The following PPAT variants were observed in gnomAD, a reference collection of about 807,000 sequenced individuals.
PPAT encodes phosphoribosyl pyrophosphate amidotransferase, also known as amidophosphoribosyltransferase.
PPAT carries 20 observed loss-of-function variants against 60.2 expected under a neutral mutation model. The ratio of observed to expected loss-of-function variants is 0.33; its 90% confidence interval spans 0.23 to 0.48. The LOEUF is 0.48. Among genes scored for constraint, PPAT ranks in the 20% least tolerant of loss-of-function variants. The probability of loss-of-function intolerance (pLI) is 0.99; values close to 1 mark genes in which losing one functional copy is unlikely to be tolerated. For synonymous variants in PPAT, 194 were observed against 215.1 expected, an observed-to-expected ratio of 0.90 and a Z score of 0.86; for missense variants, 349 against 629.6, an observed-to-expected ratio of 0.55 and a Z score of 4.77.
chr4:56,406,975 A>G (rs1343859533), intron 2 of PPAT, among the ~76,000 whole-genome samples: 1 of 152,248 alleles, frequency 6.6e-6, no homozygotes, highest in Non-Finnish European at 1.5e-5. Context: ...TAATACCTTC[A>G]CAATGTTGAA....
chr4:56,416,973 C>G (rs1210949645), intron 1 of PPAT, among the ~76,000 whole-genome samples: 2 of 152,182 alleles, frequency 1.3e-5, no homozygotes, highest in Non-Finnish European at 2.9e-5. Context: ...CCTCAGCCTC[C>G]TGACTAGCTG....
intron 3 of PPAT, among the ~76,000 whole-genome samples, chr4:56,404,809 G>T (rs1716203794): frequency 6.6e-6 from 1 of 152,160 alleles, no homozygotes. Context: ...ACTAAAAAAT[G>T]GAATGACAGT....
chr4:56,404,785 T>C (rs1244981377), intron 3 of PPAT, among the ~76,000 whole-genome samples: 2 of 152,158 alleles, frequency 1.3e-5, no homozygotes, highest in Non-Finnish European at 2.9e-5. Flanking sequence ...CTCTAGGAAA[T>C]GTCTAAAGAC....
intron 5 of PPAT, among the ~76,000 whole-genome samples, chr4:56,402,419 A>G (rs1450870130): frequency 6.6e-6 from 1 of 152,214 alleles, no homozygotes; most frequent in African/African-American, 2.4e-5. Context: ...TAAAAGTGAA[A>G]AGAAACCACT....
At chr4:56,410,358 C>G (rs905041018) in intron 1 of PPAT, among the ~76,000 whole-genome samples, 2 of 152,234 alleles carry the variant, frequency 1.3e-5, no homozygotes, top group Admixed American at 1.3e-4. Context: ...ACAAAGCCTG[C>G]TTATTTGGCA....
At chr4:56,430,602 C>G (rs900812453) in intron 1 of PPAT, among the ~76,000 whole-genome samples, 1 of 151,944 alleles carries the variant, frequency 6.6e-6, no homozygotes, top group African/African-American at 2.4e-5. Context: ...CCCCTTATAA[C>G]CTTTTATCTC....
At chr4:56,417,584 T>C (rs1196450939) in intron 1 of PPAT, among the ~76,000 whole-genome samples, 1 of 152,142 alleles carries the variant, frequency 6.6e-6, no homozygotes, top group African/African-American at 2.4e-5. Context: ...AGTTCGAGAC[T>C]AGCCTGGGCA....
At chr4:56,401,970 A>G in intron 6 of PPAT, 139 bp downstream of exon 6, 7 of 622,388 alleles carry the variant, frequency 1.1e-5, no homozygotes, top group Middle Eastern at 3.6e-4. Context: ...CATAACATGC[A>G]TAAGAAAAAC....
chr4:56,427,937 G>A (rs1369959227), intron 1 of PPAT, among the ~76,000 whole-genome samples: 2 of 152,150 alleles, frequency 1.3e-5, no homozygotes, highest in East Asian at 3.8e-4. Context: ...GAGAAAGAAG[G>A]AAAATGTCTA....
Position 56,435,592 on chromosome 4 carries a change from T to G in PPAT, c.-115A>C. On this transcript the variant is annotated 5_prime_UTR_variant, in exon 1 of 11. Transcript: ENST00000264220. Reference sequence around the variant, plus strand: ...GCTCGCGCTCGCGACAGGCTCTTCCTTCCCGAGGGTGGCCCCAGCTACTGC... The same window carrying G: ...GCTCGCGCTCGCGACAGGCTCTTCCGTCCCGAGGGTGGCCCCAGCTACTGC... 6.4e-7 allele frequency: 1 copy of G among 1,553,662 alleles called. No individual in the cohort carries two copies. The highest frequency in any genetic ancestry group is 8.7e-7 in the Non-Finnish European group (1 of 1,144,360).
intron 1 of PPAT, chr4:56,410,693 T>C (rs2110043957): frequency 1.0e-6 from 1 of 986,606 alleles, no homozygotes; most frequent in Non-Finnish European, 1.2e-6. Flanking sequence ...GAAACAGTGC[T>C]GGGCTAAGTA....
intron 2 of PPAT, 102 bp downstream of exon 2, chr4:56,407,548 C>T: frequency 2.2e-6 from 2 of 891,432 alleles, no homozygotes; most frequent in Non-Finnish European, 3.7e-6. Flanking sequence ...GAACTCCCGA[C>T]CTCAGGTGAT....
intron 1 of PPAT, chr4:56,410,923 A>T: frequency 1.1e-6 from 1 of 902,750 alleles, no homozygotes; most frequent in Non-Finnish European, 1.3e-6. Context: ...AAAAAAAAAA[A>T]AAAAAGAAAA....
chr4:56,408,921 G>A lies in PPAT; in HGVS notation c.129-1205C>T, dbSNP rs547720607. 1.6e-4 allele frequency among the ~76,000 whole-genome samples: 25 copies of A among 152,124 alleles called. 1 individual carries two copies. The highest frequency in any genetic ancestry group is 3.1e-4 in the Non-Finnish European group (21 of 68,018). The stretch of plus-strand genomic sequence containing the variant: ...TGCTGTAACTGGGCGCGCTAACCTT[G>A]TATAAAAAATGTTGTGATTCTGCTA... On this transcript the variant is annotated intron_variant, in intron 1 of 10. Transcript: ENST00000264220.
intron 1 of PPAT, among the ~76,000 whole-genome samples, chr4:56,417,195 C>T (rs1314216221): frequency 1.3e-5 from 2 of 151,694 alleles, no homozygotes; most frequent in African/African-American, 4.8e-5. Context: ...TTACTTCTAA[C>T]TTACATAATA....
rs542379951 is a variant in PPAT at position 56,433,495 on chromosome 4, T to TA, written c.128+1854dup. On this transcript the variant is annotated intron_variant, in intron 1 of 10. Transcript: ENST00000264220. ...CTCCAACCAGTGCTAACATGTAAGT[T>TA]AAAAAAAAAAAAAAGCCTCTTTTTC... Among the ~76,000 whole-genome samples the TA allele has an allele frequency of 6.7e-3, 873 of 129,506 alleles. 3 individuals carry two copies. The highest frequency in any genetic ancestry group is 0.012 in the African/African-American group (426 of 34,944). 85.0% of individuals were successfully genotyped at this position (129,506 alleles called of 152,430 possible).
At chr4:56,425,401 TA>T in intron 1 of PPAT, 1 of 927,242 alleles carries the variant, frequency 1.1e-6, no homozygotes, top group Non-Finnish European at 1.3e-6. Flanking sequence ...AACTTATTAC[TA>T]AAACTTCAGA....
At chr4:56,416,126 T>C (rs1426688030) in intron 1 of PPAT, among the ~76,000 whole-genome samples, 1 of 151,800 alleles carries the variant, frequency 6.6e-6, no homozygotes, top group African/African-American at 2.4e-5. Context: ...TTCTAAAAAC[T>C]TAAAAAATTA....
rs1207152541 is a variant in PPAT, at chr4:56,394,027, T to G, written c.*1325A>C. 6.6e-6 allele frequency: 1 copy of G among 152,174 alleles called. No homozygotes were observed. Among genetic ancestry groups the G allele is most frequent in the African/African-American group, 2.4e-5 (1 of 41,426 alleles). The allele number at this position is 152,174 out of a possible 1,614,324, so 9.4% of individuals were successfully genotyped here. ...TTCAGTTATTAATAAATATTAAATTTCTAAATGGATCTGGACACTATATAC... is the reference window on the plus strand; with the variant it reads ...TTCAGTTATTAATAAATATTAAATTGCTAAATGGATCTGGACACTATATAC... On this transcript the variant is annotated 3_prime_UTR_variant, in exon 11 of 11. Transcript: ENST00000264220.
Sources: allele counts gnomAD v4.1 joint callset (sites outside exome capture counted in the v4.1 genomes callset), GRCh38; gene constraint gnomAD v4.1.1; transcripts MANE v1.5; gene names NCBI Gene and HGNC (gene_info 2026-07-23, HGNC 2026-07-21).